NLRP2: variants seen among roughly 807,000 people sequenced by gnomAD.
The protein encoded by NLRP2 is NLR family pyrin domain containing 2.
NLRP2 carries 107 observed loss-of-function variants against 97.2 expected under a neutral mutation model. The ratio of observed to expected loss-of-function variants is 1.10; its 90% CI spans 0.94 to 1.29. The LOEUF is 1.29. Ranked by LOEUF, NLRP2 falls within the 50% of genes most tolerant of loss-of-function variation. NLRP2 has a pLI of 0.00. For synonymous variants in NLRP2, 663 were observed against 551.5 expected, an observed-to-expected ratio of 1.20 and a Z score of -2.83; for missense variants, 1,495 against 1,330.3, an observed-to-expected ratio of 1.12 and a Z score of -1.93.
At chr19:54,996,045 A>AC (rs1555783265) in intron 11 of NLRP2, among the ~76,000 whole-genome samples, 6 of 147,988 alleles carry the variant, frequency 4.1e-5, no homozygotes, top group African/African-American at 1.3e-4. Context: ...CTCAAAAAAA[A>AC]AAAAAAAACA....
At chr19:54,974,400 C>A in intron 2 of NLRP2, 100 bp from the exon 3 acceptor site, 2 of 872,732 alleles carry the variant, frequency 2.3e-6, no homozygotes, top group Admixed American at 1.8e-5. Context: ...GAGAAAGGAA[C>A]AAGTGATCCA....
chr19:54,977,509 G>GTGTGTT (rs1233650361), intron 3 of NLRP2, among the ~76,000 whole-genome samples: 2 of 150,974 alleles, frequency 1.3e-5, no homozygotes, highest in Non-Finnish European at 2.9e-5. Flanking sequence ...GTGTGTGTGT[G>GTGTGTT]TGTGTGTGTG....
chr19:54,982,376 A>C lies in NLRP2; in HGVS notation c.678A>C (p.Leu226=), dbSNP rs1209751694. The C allele has an allele frequency of 1.9e-6, 3 of 1,613,962 alleles. No homozygotes were observed. The African/African-American group carries it at 4.0e-5, about 22-fold the overall frequency. The change falls in exon 6 of 13, where the codon CTA becomes CTC. Residue 226 remains leucine (L), a synonymous_variant. Coordinates refer to ENST00000448584, the MANE Select transcript of NLRP2 (RefSeq NM_017852.5). ...GLGKTTLAQK[L]MLDWAEDNLI... ...GGAAAACCACGCTGGCCCAGAAACT[A>C]ATGCTAGACTGGGCAGAGGACAACC...
intron 10 of NLRP2, among the ~76,000 whole-genome samples, chr19:54,992,538 TG>T (rs58208380): frequency 0.049 from 4,928 of 100,760 alleles, 108 homozygotes; most frequent in African/African-American, 0.11. Flanking sequence ...GGTATTTTTT[TG>T]GGGGGGGGGG....
intron 2 of NLRP2, 100 bp downstream of exon 2, chr19:54,970,395 C>G (rs185242684): frequency 1.4e-6 from 2 of 1,421,210 alleles, no homozygotes; most frequent in South Asian, 1.2e-5. Context: ...TCACGCCTGT[C>G]GTCCCAGCCC....
intron 9 of NLRP2, 138 bp downstream of exon 9, chr19:54,990,330 G>A (rs1181721405): frequency 8.7e-7 from 1 of 1,147,262 alleles, no homozygotes; most frequent in African/African-American, 1.5e-5. Flanking sequence ...CAGGCCGATG[G>A]CCTGTGAATT....
chr19:54,976,888 C>G, intron 3 of NLRP2: 1 of 406,278 alleles, frequency 2.5e-6, no homozygotes, highest in Non-Finnish European at 4.7e-6. Context: ...GATCTTGGCT[C>G]ACTGCAATCT....
In NLRP2 at chr19:54,982,300, T is replaced by C; in HGVS notation, c.602T>C (p.Leu201Pro). 1.2e-6 allele frequency: 2 copies of C among 1,614,130 alleles called. No homozygotes were observed. Among genetic ancestry groups the C allele is most frequent in the Non-Finnish European group, 1.7e-6 (2 of 1,180,036 alleles). Residue 201 changes from leucine (L) to proline (P), a missense_variant, in exon 6 of 13, where the codon CTT (leucine) becomes CCT (proline). By Grantham distance (98) the Leu-to-Pro change is moderately conservative. Coordinates refer to ENST00000448584, the MANE Select transcript of NLRP2 (RefSeq NM_017852.5). ...MLIPFSNPRV[L>P]PGPFSYTVVL... ...ATCCCATTCAGCAACCCCAGGGTGC[T>C]TCCCGGGCCCTTCTCATACACGGTG...
At position 54,986,076 on chromosome 19, in the gene NLRP2, C is replaced by G. The variant is rs565842255; in HGVS notation, c.2202-75C>G. ...AATAGTTCCTAAAGTTTAAATATAT[C>G]GAGCCCCTGGTTTCCATTTAAGTAC... On this transcript the variant is annotated intron_variant, in intron 7 of 12. Coordinates refer to ENST00000448584, the MANE Select transcript of NLRP2 (RefSeq NM_017852.5). The G allele has an allele frequency of 1.8e-5, 17 of 947,538 alleles. No individual in the cohort carries two copies. The East Asian group carries it at 3.9e-4, about 22-fold the overall frequency. The allele number at this position is 947,538 out of a possible 1,614,324, so 58.7% of individuals were successfully genotyped here.
chr19:54,974,186 T>C, intron 2 of NLRP2: 1 of 585,154 alleles, frequency 1.7e-6, no homozygotes, highest in Non-Finnish European at 3.1e-6. Context: ...AAACCCCATC[T>C]CTACTAAAAA....
Position 54,970,405 on chromosome 19 carries a change from C to T in NLRP2, c.280+110C>T, listed in dbSNP as rs915132668. 3.2e-5 allele frequency: 42 copies of T among 1,320,590 alleles called. No individual in the cohort carries two copies. In the African/African-American group the frequency reaches 5.6e-4, roughly 18 times the overall value. 81.8% of individuals were successfully genotyped at this position (1,320,590 alleles called of 1,614,324 possible). On this transcript the variant is annotated intron_variant, in intron 2 of 12. Coordinates refer to ENST00000448584, the MANE Select transcript of NLRP2 (RefSeq NM_017852.5). ...CTGGCTCACGCCTGTCGTCCCAGCCCTTTGGGAGGCTGAGGCGGTTGGACC... is the reference window on the plus strand; with the variant it reads ...CTGGCTCACGCCTGTCGTCCCAGCCTTTTGGGAGGCTGAGGCGGTTGGACC...
chr19:54,993,187 C>G (rs1568531646), intron 10 of NLRP2: 1 of 150,030 alleles, frequency 6.7e-6, no homozygotes, highest in Admixed American at 6.7e-5. Flanking sequence ...CCACTGTACT[C>G]CAGCCTGGGT....
intron 2 of NLRP2, among the ~76,000 whole-genome samples, chr19:54,972,355 T>C (rs1292412569): frequency 6.6e-6 from 1 of 151,046 alleles, no homozygotes; most frequent in Admixed American, 6.6e-5. Context: ...GGCTAAATTT[T>C]GTATTTTAAT....
At chr19:54,973,950 A>G (rs763524614) in intron 2 of NLRP2, 46 of 880,748 alleles carry the variant, frequency 5.2e-5, no homozygotes, top group Non-Finnish European at 7.7e-5. Flanking sequence ...CAGAGTGGCT[A>G]TGGTGGGCAG....
chr19:54,982,748 G>C lies in NLRP2; in HGVS notation c.1050G>C (p.Glu350Asp), dbSNP rs774648884. 2 of 1,614,152 alleles carry C rather than the reference G, an allele frequency of 1.2e-6. No individual in the cohort carries two copies. Among genetic ancestry groups the C allele is most frequent in the South Asian group, 1.1e-5 (1 of 91,090 alleles). The change falls in exon 6 of 13, where the codon GAG becomes GAC. Residue 350 changes from glutamate (E) to aspartate (D), a missense_variant. By Grantham distance (45) the Glu-to-Asp change is conservative. Transcript: ENST00000448584. ...ALRDLRILAE[E>D]PIYIRVEGFL... is the part of the protein sequence containing the mutation. ...GGGACCTCCGGATCCTGGCGGAGGA[G>C]CCGATCTACATAAGGGTGGAGGGCT...
At chr19:54,967,144 G>A (rs1327621913) in intron 1 of NLRP2, among the ~76,000 whole-genome samples, 1 of 151,928 alleles carries the variant, frequency 6.6e-6, no homozygotes, top group Non-Finnish European at 1.5e-5. Context: ...TGGGATTATA[G>A]GCAGGTGCCA....
At chr19:54,998,466 A>G (rs2072963874) in intron 12 of NLRP2, among the ~76,000 whole-genome samples, 1 of 152,156 alleles carries the variant, frequency 6.6e-6, no homozygotes, top group Non-Finnish European at 1.5e-5. Flanking sequence ...TTGTTTATTT[A>G]ACATGAAACT....
At position 54,994,554 on chromosome 19, in the gene NLRP2, A is replaced by G. The variant is rs146766224; in HGVS notation, c.2879+115A>G. 22 of 1,073,320 alleles carry G rather than the reference A, an allele frequency of 2.0e-5. No homozygotes were observed. The African/African-American group carries it at 3.4e-4, about 17-fold the overall frequency. 66.5% of individuals were successfully genotyped at this position (1,073,320 alleles called of 1,614,324 possible). On this transcript the variant is annotated intron_variant, in intron 11 of 12. Transcript: ENST00000448584. ...GTTATATAATTGAGAGGACCTTTAT[A>G]GAGTCGATCGAGCATTTACTAGGAT... is the stretch of plus-strand genomic sequence containing the variant.
In NLRP2 at chr19:54,986,236, C is replaced by G; in HGVS notation, c.2287C>G (p.Gln763Glu). 2 of 1,613,808 alleles carry G rather than the reference C, an allele frequency of 1.2e-6. No homozygotes were observed. Among genetic ancestry groups the G allele is most frequent in the African/African-American group, 1.3e-5 (1 of 75,032 alleles). The change falls in exon 8 of 13, where the codon CAA becomes GAA. Residue 763 changes from glutamine to glutamate, a missense_variant. Coordinates refer to ENST00000448584, the MANE Select transcript of NLRP2 (RefSeq NM_017852.5). ...CAAGACTGTAACGTATCTGACCCTTCAAGGCAATGACCAGGATGATATGTT... is the reference window on the plus strand; with the variant it reads ...CAAGACTGTAACGTATCTGACCCTTGAAGGCAATGACCAGGATGATATGTT... ...GHKTVTYLTL[Q>E]GNDQDDMFPA...
Sources: allele counts gnomAD v4.1 joint callset (sites outside exome capture counted in the v4.1 genomes callset), GRCh38; gene constraint gnomAD v4.1.1; transcripts MANE v1.5; gene names NCBI Gene and HGNC (gene_info 2026-07-23, HGNC 2026-07-21).